Variants in CDK19 observed in about 807,000 individuals in gnomAD.
The protein encoded by CDK19 is cyclin-dependent kinase 19.
CDK19 carries 20 observed loss-of-function variants against 68.3 expected under a neutral mutation model. The observed-to-expected ratio is 0.29, with a 90% confidence interval of 0.21 to 0.43. The LOEUF (loss-of-function observed/expected upper bound fraction) is 0.43. Among genes scored for constraint, CDK19 ranks in the 20% least tolerant of loss-of-function variants. The pLI, the probability that CDK19 is intolerant of heterozygous loss-of-function variation, is 1.00. For synonymous variants in CDK19, 221 were observed against 222.8 expected (o/e 0.99, Z 0.07); for missense variants, 339 against 623.5 (o/e 0.54, Z 4.86).
At chr6:110,791,893 A>G (rs1005457664) in intron 1 of CDK19, among the ~76,000 whole-genome samples, 2 of 151,072 alleles carry the variant, frequency 1.3e-5, no homozygotes, top group Non-Finnish European at 2.9e-5. Flanking sequence ...CAATCCTCCC[A>G]CCTCAACCTC....
rs917343765 is a variant in CDK19, at chr6:110,814,871, G to C, written c.128+138C>G. On this transcript the variant is annotated intron_variant, in intron 1 of 12. Coordinates refer to ENST00000368911, the MANE Select transcript of CDK19 (RefSeq NM_015076.5). ...GCGGAACGGGCGCCCCTCGGAGTCG[G>C]TGTCCGGACGCAACCCCGCGACCCC... The C allele has an allele frequency of 5.2e-6, 6 of 1,150,954 alleles. No individual in the cohort carries two copies. In the African/African-American group the frequency reaches 8.0e-5, roughly 15 times the overall value. The allele number at this position is 1,150,954 out of a possible 1,614,324, so 71.3% of individuals were successfully genotyped here.
In CDK19 at chr6:110,815,235, C is replaced by T. The variant is rs1194926587; in HGVS notation, c.-99G>A. The T allele has an allele frequency of 4.7e-6, 6 of 1,282,174 alleles. No homozygotes were observed. Among genetic ancestry groups the T allele is most frequent in the African/African-American group, 1.6e-5 (1 of 63,518 alleles). 79.4% of individuals were successfully genotyped at this position (1,282,174 alleles called of 1,614,324 possible). On this transcript the variant is annotated 5_prime_UTR_variant, in exon 1 of 13. Transcript: ENST00000368911. ...ACCGCCGCTCCACTTCTCCAACAGC[C>T]GCCTCTCGCGCGCGCGCGCGCGCCG...
chr6:110,705,421 C>G (rs1036326169), intron 2 of CDK19, among the ~76,000 whole-genome samples: 7 of 152,174 alleles, frequency 4.6e-5, no homozygotes, highest in Non-Finnish European at 1.0e-4. Context: ...TTATCTGGAT[C>G]TGAAGCTCAG....
At chr6:110,760,396 C>CAA (rs34613571) in intron 1 of CDK19, among the ~76,000 whole-genome samples, 4,626 of 38,366 alleles carry the variant, frequency 0.12, 402 homozygotes, top group Admixed American at 0.22. Flanking sequence ...GGCTTTGTCT[C>CAA]AAAAAAAAAA....
At chr6:110,800,131 C>G (rs1271515370) in intron 1 of CDK19, among the ~76,000 whole-genome samples, 1 of 152,152 alleles carries the variant, frequency 6.6e-6, no homozygotes, top group Non-Finnish European at 1.5e-5. Context: ...CACCAAAATA[C>G]TACAAACATT....
At position 110,678,957 on chromosome 6, in the gene CDK19, C is replaced by T. The variant is rs1023299992; in HGVS notation, c.205-8416G>A. Reference sequence around the variant, plus strand: ...TCAATATTCCTGATCTGTACACGTACCTGTTTTAAAGTTTCTCCTTTGAAT... The same window carrying T: ...TCAATATTCCTGATCTGTACACGTATCTGTTTTAAAGTTTCTCCTTTGAAT... On this transcript the variant is annotated intron_variant, in intron 2 of 12. Transcript: ENST00000368911. Among the ~76,000 whole-genome samples the T allele has an allele frequency of 1.4e-4, 21 of 152,242 alleles. No individual in the cohort carries two copies. The East Asian group carries it at 3.9e-3, about 28-fold the overall frequency.
chr6:110,770,417 A>C (rs1315006797), intron 1 of CDK19, among the ~76,000 whole-genome samples: 2 of 152,194 alleles, frequency 1.3e-5, no homozygotes, highest in Non-Finnish European at 2.9e-5. Flanking sequence ...CAAAAGCAGA[A>C]ACCCCTGATA....
At chr6:110,720,045 C>G (rs955492536) in intron 2 of CDK19, among the ~76,000 whole-genome samples, 1 of 145,690 alleles carries the variant, frequency 6.9e-6, no homozygotes, top group Non-Finnish European at 1.5e-5. Flanking sequence ...CCACTGTGCT[C>G]TGCCATGGCA....
chr6:110,666,273 A>T (rs1458715000), intron 4 of CDK19, among the ~76,000 whole-genome samples: 1 of 150,038 alleles, frequency 6.7e-6, no homozygotes. Context: ...AAAAAAAAAA[A>T]AAATTAGCCC....
intron 2 of CDK19, among the ~76,000 whole-genome samples, chr6:110,745,565 A>T (rs1458702088): frequency 1.3e-5 from 2 of 152,216 alleles, no homozygotes; most frequent in Non-Finnish European, 2.9e-5. Context: ...TAATTAAAAT[A>T]AAATTCCATC....
intron 4 of CDK19, among the ~76,000 whole-genome samples, chr6:110,665,524 A>G (rs1781870003): frequency 6.6e-6 from 1 of 152,230 alleles, no homozygotes. Flanking sequence ...AAATATGTTA[A>G]GCTATGCTGT....
intron 1 of CDK19, among the ~76,000 whole-genome samples, chr6:110,785,904 G>A (rs916637769): frequency 5.3e-5 from 8 of 151,810 alleles, no homozygotes; most frequent in South Asian, 2.1e-4. Flanking sequence ...CGCTTGAACC[G>A]GGGAGGCAGA....
chr6:110,813,649 A>T (rs1282258916), intron 1 of CDK19: 1 of 152,226 alleles, frequency 6.6e-6, no homozygotes, highest in East Asian at 1.9e-4. Context: ...TGCAATAATA[A>T]TAATCCTTTA....
intron 1 of CDK19, among the ~76,000 whole-genome samples, chr6:110,769,838 ACAGT>A (rs1217780441): frequency 2.6e-5 from 4 of 152,162 alleles, no homozygotes; most frequent in Non-Finnish European, 5.9e-5. Context: ...AAAATACACC[ACAGT>A]CAGATTAGCT....
At chr6:110,724,908 C>G (rs1776215193) in intron 2 of CDK19, among the ~76,000 whole-genome samples, 1 of 151,980 alleles carries the variant, frequency 6.6e-6, no homozygotes, top group African/African-American at 2.4e-5. Flanking sequence ...CTAAATTATA[C>G]AGATATGGGA....
chr6:110,633,474 C>T (rs1480272105), intron 5 of CDK19, among the ~76,000 whole-genome samples: 1 of 152,130 alleles, frequency 6.6e-6, no homozygotes, highest in Non-Finnish European at 1.5e-5. Flanking sequence ...TCCAGAGAGC[C>T]AGTTGCTGAA....
At chr6:110,809,699 T>G (rs706930) in intron 1 of CDK19, among the ~76,000 whole-genome samples, 23,995 of 152,218 alleles carry the variant, frequency 0.16, 2,095 homozygotes, top group East Asian at 0.32. Context: ...ACTTGCGTTT[T>G]TAAAGGAATT....
intron 1 of CDK19, among the ~76,000 whole-genome samples, chr6:110,776,513 A>T (rs1042235670): frequency 9.9e-5 from 15 of 152,224 alleles, no homozygotes; most frequent in African/African-American, 3.4e-4. Context: ...CTGAAGAAGC[A>T]ATCAAAAGTT....
intron 2 of CDK19, among the ~76,000 whole-genome samples, chr6:110,737,567 G>A (rs2114833663): frequency 6.6e-6 from 1 of 152,192 alleles, no homozygotes; most frequent in South Asian, 2.1e-4. Flanking sequence ...TAGGACTGGA[G>A]GTTCTATTTG....
Sources: allele counts gnomAD v4.1 joint callset (sites outside exome capture counted in the v4.1 genomes callset), GRCh38; gene constraint gnomAD v4.1.1; transcripts MANE v1.5; gene names NCBI Gene and HGNC (gene_info 2026-07-23, HGNC 2026-07-21).